Variants in ALPK2 observed in about 807,000 individuals in gnomAD.
ALPK2 encodes alpha-protein kinase 2.
ALPK2 carries 127 observed loss-of-function variants against 163.1 expected under a neutral mutation model. The observed-to-expected ratio is 0.78, with a 90% CI of 0.67 to 0.90. The LOEUF is 0.90. Ranked by LOEUF, ALPK2 falls within the 40% of genes least tolerant of loss-of-function variation. ALPK2 has a pLI of 0.00. For missense variants in ALPK2, 2,360 were observed against 2,589.6 expected (o/e 0.91, Z 1.92); for synonymous variants, 953 against 959.1 (o/e 0.99, Z 0.12).
intron 4 of ALPK2, among the ~76,000 whole-genome samples, chr18:58,544,016 T>C (rs1426761005): frequency 6.6e-6 from 1 of 152,200 alleles, no homozygotes; most frequent in Non-Finnish European, 1.5e-5. Context: ...CATGGCCATC[T>C]CTCAATTTCT....
At chr18:58,608,213 T>G (rs974957995) in intron 2 of ALPK2, among the ~76,000 whole-genome samples, 1 of 152,262 alleles carries the variant, frequency 6.6e-6, no homozygotes, top group African/African-American at 2.4e-5. Context: ...CAAAGTAGAT[T>G]TGCAAATGCC....
chr18:58,539,589 C>T (rs2051679478), intron 4 of ALPK2, among the ~76,000 whole-genome samples: 1 of 152,176 alleles, frequency 6.6e-6, no homozygotes, highest in South Asian at 2.1e-4. Context: ...AGTCTTTGCT[C>T]CCAGGACTCC....
At position 58,582,003 on chromosome 18, in the gene ALPK2, T is replaced by C. The variant is rs529552880; in HGVS notation, c.228-1455A>G. The stretch of plus-strand genomic sequence containing the variant: ...TGTTGAGTCCCAGCTCACATATGTC[T>C]CATTTTCAGAAGGCAAAGACATCTA... On this transcript the variant is annotated intron_variant, in intron 3 of 12. Transcript: ENST00000361673. Among the ~76,000 whole-genome samples the C allele has an allele frequency of 4.6e-5, 7 of 152,276 alleles. No individual in the cohort carries two copies. The East Asian group carries it at 7.7e-4, about 17-fold the overall frequency.
intron 1 of ALPK2, among the ~76,000 whole-genome samples, chr18:58,626,919 A>G (rs2052233749): frequency 6.6e-6 from 1 of 151,906 alleles, no homozygotes; most frequent in South Asian, 2.1e-4. Context: ...AATTAAGGTG[A>G]AAAACTAACT....
chr18:58,489,725 T>C (rs1032695183), intron 12 of ALPK2, among the ~76,000 whole-genome samples: 3 of 152,052 alleles, frequency 2.0e-5, no homozygotes, highest in African/African-American at 7.2e-5. Flanking sequence ...TCCTTGTCCC[T>C]AGGACATTCA....
intron 11 of ALPK2, among the ~76,000 whole-genome samples, chr18:58,500,250 A>C (rs943016254): frequency 7.8e-6 from 1 of 128,778 alleles, no homozygotes; most frequent in African/African-American, 2.8e-5. Flanking sequence ...AAAAAAAAAA[A>C]AAAACCCACC....
chr18:58,617,270 T>A (rs146992553), intron 1 of ALPK2, among the ~76,000 whole-genome samples: 1,842 of 152,288 alleles, frequency 0.012, 31 homozygotes, highest in African/African-American at 0.041. Flanking sequence ...CACTGCATCC[T>A]CCACCTCCCG....
Position 58,537,365 on chromosome 18 carries a change from T to C in ALPK2, c.2822A>G (p.Asp941Gly). 1 of 1,614,070 alleles carries C rather than the reference T, an allele frequency of 6.2e-7. No homozygotes were observed. Among genetic ancestry groups the C allele is most frequent in the Non-Finnish European group, 8.5e-7 (1 of 1,179,958 alleles). The change falls in exon 5 of 13, where the codon GAT becomes GGT. Residue 941 changes from aspartate (D) to glycine (G), a missense_variant. Transcript: ENST00000361673. Reference sequence around the variant, plus strand: ...CTCAGAAGAAAGGAGCTGTGTTTCATCAAGCCCTCCTGAGTTGCTGGGGCT... The same window carrying C: ...CTCAGAAGAAAGGAGCTGTGTTTCACCAAGCCCTCCTGAGTTGCTGGGGCT... Reference protein sequence around the residue: ...QPSPSNSGGLDETQLLSSENN... With the variant: ...QPSPSNSGGLGETQLLSSENN...
intron 4 of ALPK2, among the ~76,000 whole-genome samples, chr18:58,559,316 A>T (rs1183222133): frequency 1.3e-5 from 2 of 152,148 alleles, no homozygotes; most frequent in African/African-American, 4.8e-5. Flanking sequence ...AGCTGCCCGG[A>T]ACAAAGAATT....
At chr18:58,607,201 A>G in intron 3 of ALPK2, 121 bp downstream of exon 3, 2 of 610,474 alleles carry the variant, frequency 3.3e-6, no homozygotes, top group East Asian at 3.0e-5. Context: ...TGCCAATGGC[A>G]TCTAAAATTA....
chr18:58,546,917 G>A (rs1022716482), intron 4 of ALPK2, among the ~76,000 whole-genome samples: 5 of 152,118 alleles, frequency 3.3e-5, no homozygotes, highest in African/African-American at 1.2e-4. Flanking sequence ...AATAGTCTCT[G>A]GGGGGTTTTT....
chr18:58,591,282 G>A (rs947554090), intron 3 of ALPK2, among the ~76,000 whole-genome samples: 2 of 152,194 alleles, frequency 1.3e-5, no homozygotes, highest in Non-Finnish European at 2.9e-5. Context: ...ACAGATGTTG[G>A]AACTGAGGCC....
chr18:58,528,810 C>A (rs1161487127), intron 6 of ALPK2: 2 of 401,048 alleles, frequency 5.0e-6, no homozygotes, highest in Non-Finnish European at 9.2e-6. Flanking sequence ...TATCATTTGA[C>A]ATGTTCCTTC....
chr18:58,520,532 G>T (rs892973496), intron 8 of ALPK2, among the ~76,000 whole-genome samples: 18 of 151,460 alleles, frequency 1.2e-4, no homozygotes, highest in Non-Finnish European at 2.2e-4. Context: ...CCTCACTGAG[G>T]TTCCTTGCTA....
chr18:58,556,366 G>A (rs1218436637), intron 4 of ALPK2, among the ~76,000 whole-genome samples: 3 of 152,188 alleles, frequency 2.0e-5, no homozygotes, highest in Non-Finnish European at 4.4e-5. Context: ...TAACCTCATC[G>A]ATAGAGACAG....
intron 5 of ALPK2, among the ~76,000 whole-genome samples, chr18:58,531,933 C>A: frequency 1.4e-4 from 2 of 14,596 alleles, no homozygotes; most frequent in South Asian, 2.6e-3. Context: ...AAGGCTCCGT[C>A]TCAAAAAAAA....
intron 4 of ALPK2, among the ~76,000 whole-genome samples, chr18:58,572,821 C>T (rs1490977972): frequency 2.0e-5 from 3 of 152,078 alleles, no homozygotes; most frequent in Non-Finnish European, 2.9e-5. Flanking sequence ...CAGGAACCTA[C>T]GTAGGTGATA....
intron 1 of ALPK2, among the ~76,000 whole-genome samples, chr18:58,626,078 C>G (rs1436081765): frequency 6.6e-6 from 1 of 152,212 alleles, no homozygotes; most frequent in Non-Finnish European, 1.5e-5. Flanking sequence ...GCATTCAACC[C>G]AGAGTAACGT....
chr18:58,625,682 G>T (rs2052226145), intron 1 of ALPK2, among the ~76,000 whole-genome samples: 1 of 152,238 alleles, frequency 6.6e-6, no homozygotes, highest in Non-Finnish European at 1.5e-5. Flanking sequence ...GCAGGGGCCT[G>T]GTTATCTAAG....
Sources: allele counts gnomAD v4.1 joint callset (sites outside exome capture counted in the v4.1 genomes callset), GRCh38; gene constraint gnomAD v4.1.1; transcripts MANE v1.5; gene names NCBI Gene and HGNC (gene_info 2026-07-23, HGNC 2026-07-21).